The following MGAT5 variants were observed in gnomAD, a reference collection of about 807,000 sequenced individuals.
MGAT5 encodes alpha-1,6-mannosylglycoprotein 6-beta-N-acetylglucosaminyltransferase.
A neutral mutation model predicts 94.3 loss-of-function variants in MGAT5; 30 were observed. The observed-to-expected ratio is 0.32, with a 90% CI of 0.24 to 0.43. MGAT5 has a LOEUF of 0.43. Among genes scored for constraint, MGAT5 ranks in the 20% least tolerant of loss-of-function variants. The probability of loss-of-function intolerance (pLI) is 1.00; values close to 1 mark genes in which losing one functional copy is unlikely to be tolerated. For missense variants in MGAT5, 691 were observed against 905.5 expected (o/e 0.76, Z 3.04); for synonymous variants, 310 against 322.9 (o/e 0.96, Z 0.43).
chr2:134,167,703 A>C (rs1049025260), intron 1 of MGAT5, among the ~76,000 whole-genome samples: 11 of 152,218 alleles, frequency 7.2e-5, no homozygotes, highest in African/African-American at 2.7e-4. Flanking sequence ...CAAGTCTTGT[A>C]AAGGGAATCT....
chr2:134,194,346 T>G (rs1679390241), intron 1 of MGAT5, among the ~76,000 whole-genome samples: 2 of 152,022 alleles, frequency 1.3e-5, no homozygotes, highest in African/African-American at 4.8e-5. Context: ...TATATATTAG[T>G]TTGTGGGGGT....
chr2:134,127,638 T>C (rs994915992), intron 1 of MGAT5, among the ~76,000 whole-genome samples: 2 of 151,952 alleles, frequency 1.3e-5, no homozygotes, highest in African/African-American at 4.8e-5. Context: ...AGATGAGCTG[T>C]CCAGGCAGCA....
chr2:134,402,499 T>C (rs1683110746), intron 10 of MGAT5, among the ~76,000 whole-genome samples: 1 of 152,194 alleles, frequency 6.6e-6, no homozygotes, highest in South Asian at 2.1e-4. Context: ...ACTAGAAACA[T>C]TGGCAAGAGC....
intron 2 of MGAT5, among the ~76,000 whole-genome samples, chr2:134,314,804 T>C (rs1012810579): frequency 1.4e-4 from 21 of 152,208 alleles, no homozygotes; most frequent in African/African-American, 5.1e-4. Context: ...AAGAAGTCAG[T>C]CCAGCAGGCT....
At chr2:134,402,874 A>T in intron 10 of MGAT5, 114 bp from the exon 11 acceptor site, 1 of 1,047,442 alleles carries the variant, frequency 9.5e-7, no homozygotes, top group East Asian at 2.7e-5. Context: ...TGTGATCTCC[A>T]TATTAAGAAC....
chr2:134,219,163 GC>G (rs1680635089), intron 1 of MGAT5, among the ~76,000 whole-genome samples: 1 of 152,192 alleles, frequency 6.6e-6, no homozygotes, highest in Non-Finnish European at 1.5e-5. Flanking sequence ...TCGGGGTGCA[GC>G]GGCTTCATCA....
Position 134,293,918 on chromosome 2 carries a change from T to C in MGAT5, c.406+23368T>C, listed in dbSNP as rs984680883. ...TCCTCATACAGAAGTGTGTGGAGGA[T>C]GTGAAACAGAGTAGGGAGGTAGGAG... On this transcript the variant is annotated intron_variant, in intron 2 of 15. Transcript: ENST00000281923. Among the ~76,000 whole-genome samples, 58 of 152,170 alleles carry C rather than the reference T, an allele frequency of 3.8e-4. 1 individual carries two copies. The highest frequency in any genetic ancestry group is 1.4e-3 in the African/African-American group (57 of 41,442).
intron 13 of MGAT5, among the ~76,000 whole-genome samples, chr2:134,425,452 T>G (rs1319141265): frequency 6.6e-6 from 1 of 152,020 alleles, no homozygotes; most frequent in Non-Finnish European, 1.5e-5. Flanking sequence ...TCTTTTTAAG[T>G]GTTGAGGATT....
At chr2:134,160,766 C>T (rs1472019000) in intron 1 of MGAT5, among the ~76,000 whole-genome samples, 1 of 152,238 alleles carries the variant, frequency 6.6e-6, no homozygotes, top group South Asian at 2.1e-4. Context: ...TACTTTAACC[C>T]TCTGTGCTTA....
intron 1 of MGAT5, among the ~76,000 whole-genome samples, chr2:134,165,478 T>TA (rs1006570939): frequency 4.6e-5 from 7 of 152,038 alleles, no homozygotes; most frequent in African/African-American, 1.2e-4. Flanking sequence ...TCAGGTCTTC[T>TA]AAAAAAATTA....
intron 1 of MGAT5, among the ~76,000 whole-genome samples, chr2:134,123,787 C>CG (rs1036897876): frequency 1.3e-5 from 2 of 151,990 alleles, no homozygotes; most frequent in African/African-American, 2.4e-5. Context: ...TAATTTTATA[C>CG]GGGGGGATTG....
At chr2:134,390,361 TG>T (rs1682324921) in intron 10 of MGAT5, among the ~76,000 whole-genome samples, 1 of 151,976 alleles carries the variant, frequency 6.6e-6, no homozygotes, top group South Asian at 2.1e-4. Flanking sequence ...TTTGTTTGTT[TG>T]TTTTTTTATT....
At chr2:134,151,270 T>G (rs1200723035) in intron 1 of MGAT5, among the ~76,000 whole-genome samples, 4 of 139,230 alleles carry the variant, frequency 2.9e-5, no homozygotes, top group Non-Finnish European at 4.6e-5. Context: ...CCATGGGACC[T>G]CACTCACTCA....
intron 10 of MGAT5, among the ~76,000 whole-genome samples, chr2:134,387,326 ATAT>A (rs1682076854): frequency 2.7e-5 from 1 of 36,766 alleles, no homozygotes; most frequent in Non-Finnish European, 4.5e-5. Flanking sequence ...ATATATATAT[ATAT>A]ATATTTTTTT....
intron 9 of MGAT5, among the ~76,000 whole-genome samples, chr2:134,357,603 A>T (rs1281822090): frequency 1.3e-5 from 2 of 152,244 alleles, no homozygotes; most frequent in East Asian, 3.8e-4. Flanking sequence ...TTTAACTTGA[A>T]TCAGGAGGGC....
intron 1 of MGAT5, among the ~76,000 whole-genome samples, chr2:134,175,120 G>T (rs1332164691): frequency 6.6e-6 from 1 of 152,238 alleles, no homozygotes. Flanking sequence ...GCAGAGCAGT[G>T]TTCCTTCACC....
chr2:134,419,763 A>G (rs927625965), intron 12 of MGAT5, among the ~76,000 whole-genome samples: 3 of 152,186 alleles, frequency 2.0e-5, no homozygotes, highest in Non-Finnish European at 4.4e-5. Flanking sequence ...ATAGCTCAGC[A>G]TTTTGTATTT....
intron 1 of MGAT5, among the ~76,000 whole-genome samples, chr2:134,227,572 T>TGG: frequency 6.6e-6 from 1 of 152,356 alleles, no homozygotes; most frequent in East Asian, 1.9e-4. Flanking sequence ...TTTGTTAGTA[T>TGG]GGGTATAGGC....
At chr2:134,286,380 T>A (rs1685002196) in intron 2 of MGAT5, among the ~76,000 whole-genome samples, 1 of 152,152 alleles carries the variant, frequency 6.6e-6, no homozygotes, top group Non-Finnish European at 1.5e-5. Context: ...TGCCTCATCC[T>A]GTAATAGTTT....
Sources: allele counts gnomAD v4.1 joint callset (sites outside exome capture counted in the v4.1 genomes callset), GRCh38; gene constraint gnomAD v4.1.1; transcripts MANE v1.5; gene names NCBI Gene and HGNC (gene_info 2026-07-23, HGNC 2026-07-21).